The following PTGIS variants were observed in gnomAD, a reference collection of about 807,000 sequenced individuals.
PTGIS encodes the protein prostacyclin synthase.
Under a neutral mutation model 50.3 loss-of-function variants are expected in PTGIS, and 45 were observed. That is an observed-to-expected ratio of 0.90 (90% CI 0.70 to 1.15). The LOEUF (loss-of-function observed/expected upper bound fraction) is 1.15. Among genes scored for constraint, PTGIS ranks in the 50% most tolerant of loss-of-function variants. The pLI is 0.00. For synonymous variants in PTGIS, 260 were observed against 267.7 expected (o/e 0.97, Z 0.28); for missense variants, 668 against 661.3 (o/e 1.01, Z -0.11).
intron 3 of PTGIS, 146 bp from the exon 4 acceptor site, chr20:49,544,594 G>T: frequency 1.2e-6 from 1 of 820,164 alleles, no homozygotes; most frequent in Non-Finnish European, 2.0e-6. Flanking sequence ...TAAATAAGAG[G>T]ATATTATTAT....
rs1982951474 is a variant in PTGIS, at chr20:49,568,049, C to T, written c.68G>A (p.Arg23His). Residue 23 changes from arginine (R) to histidine (H), a missense_variant, in exon 1 of 10, where the codon CGC becomes CAC. Transcript: ENST00000244043. ...LLLLLLLSRR[R>H]TRRPGEPPLD... is the part of the protein sequence containing the mutation. ...AGCGGAGCAGGACACTCACCGCGTGCGGCGGCGGCTCAGTAGCAGCAGCAG... is the reference window on the plus strand; with the variant it reads ...AGCGGAGCAGGACACTCACCGCGTGTGGCGGCGGCTCAGTAGCAGCAGCAG... The T allele has an allele frequency of 2.0e-6, 3 of 1,477,752 alleles. No individual in the cohort carries two copies. The highest frequency in any genetic ancestry group is 2.3e-5 in the Admixed American group (1 of 43,936). The allele number at this position is 1,477,752 out of a possible 1,614,324, so 91.5% of individuals were successfully genotyped here. A position where few individuals can be genotyped will look rare whatever the true frequency, so the allele number is the denominator to read the frequency against.
intron 6 of PTGIS, among the ~76,000 whole-genome samples, chr20:49,521,969 CCA>C (rs1459418633): frequency 6.6e-6 from 1 of 152,132 alleles, no homozygotes; most frequent in Non-Finnish European, 1.5e-5. Flanking sequence ...GACCCTGCCA[CCA>C]CAGTTTCCTC....
At chr20:49,551,778 GTA>G (rs1051733399) in intron 1 of PTGIS, among the ~76,000 whole-genome samples, 34 of 150,392 alleles carry the variant, frequency 2.3e-4, no homozygotes, top group Non-Finnish European at 3.4e-4. Flanking sequence ...GTATGCGTGT[GTA>G]TGTGTGTGTA....
Position 49,512,932 on chromosome 20 carries a change from G to C in PTGIS, c.1206+148C>G, listed in dbSNP as rs1981362727. ...TTATGAGGTCCATTTCACAGGTGAG[G>C]AAGCAAACACAGAGAGGTGAAGCAA... On this transcript the variant is annotated intron_variant, in intron 8 of 9. Coordinates refer to ENST00000244043, the MANE Select transcript of PTGIS (RefSeq NM_000961.4). 4.4e-6 allele frequency: 4 copies of C among 911,112 alleles called. No homozygotes were observed. In the South Asian group the frequency reaches 4.9e-5, roughly 11 times the overall value. The allele number at this position is 911,112 out of a possible 1,614,324, so 56.4% of individuals were successfully genotyped here. A position where few individuals can be genotyped will look rare whatever the true frequency, so the allele number is the denominator to read the frequency against.
At position 49,568,134 on chromosome 20, in the gene PTGIS, T is replaced by C; in HGVS notation, c.-18A>G. ...CAAGCCATCGCGGGGCTGGCGGGGC[T>C]GGCGGGGCTGGCGGGGCTGGCGGCC... is the stretch of plus-strand genomic sequence containing the variant. On this transcript the variant is annotated 5_prime_UTR_variant, in exon 1 of 10. Coordinates refer to ENST00000244043, the MANE Select transcript of PTGIS (RefSeq NM_000961.4). 2 of 1,185,536 alleles carry C rather than the reference T, an allele frequency of 1.7e-6. No homozygotes were observed. The highest frequency in any genetic ancestry group is 4.4e-5 in the South Asian group (2 of 45,466). 73.4% of individuals were successfully genotyped at this position (1,185,536 alleles called of 1,614,324 possible).
intron 1 of PTGIS, among the ~76,000 whole-genome samples, chr20:49,558,122 C>A (rs1020687881): frequency 2.6e-5 from 4 of 152,178 alleles, no homozygotes; most frequent in Non-Finnish European, 5.9e-5. Context: ...GGCATGGTGT[C>A]TCATGCCTAT....
intron 1 of PTGIS, among the ~76,000 whole-genome samples, chr20:49,566,311 C>A (rs1406149777): frequency 2.0e-5 from 3 of 152,200 alleles, no homozygotes; most frequent in African/African-American, 7.2e-5. Context: ...AGAATGGATT[C>A]GATCTCCTTG....
At chr20:49,516,675 C>T (rs896643067) in intron 6 of PTGIS, among the ~76,000 whole-genome samples, 3 of 152,184 alleles carry the variant, frequency 2.0e-5, no homozygotes, top group African/African-American at 7.2e-5. Flanking sequence ...TTGCCTTCCT[C>T]TTTAGTGCCC....
chr20:49,539,780 C>A, intron 4 of PTGIS, 59 bp from the exon 5 acceptor site: 1 of 1,569,178 alleles, frequency 6.4e-7, no homozygotes, highest in Non-Finnish European at 8.6e-7. Context: ...GTGGCCACAG[C>A]TACTCACAAG....
chr20:49,552,672 G>A (rs938942521), intron 1 of PTGIS, among the ~76,000 whole-genome samples: 5 of 152,148 alleles, frequency 3.3e-5, no homozygotes, highest in Non-Finnish European at 5.9e-5. Context: ...GTCTAAGATA[G>A]TTGTCCTTTT....
intron 1 of PTGIS, among the ~76,000 whole-genome samples, chr20:49,556,746 T>A (rs1982629227): frequency 6.6e-6 from 1 of 152,230 alleles, no homozygotes; most frequent in African/African-American, 2.4e-5. Flanking sequence ...ATAGTACACC[T>A]GTTATTAGAG....
chr20:49,527,830 T>C lies in PTGIS; in HGVS notation c.674-3591A>G, dbSNP rs541406986. Among the ~76,000 whole-genome samples, 9 of 152,308 alleles carry C rather than the reference T, an allele frequency of 5.9e-5. No homozygotes were observed. The South Asian group carries it at 1.9e-3, about 32-fold the overall frequency. ...GGCAAAAATGAGTCAAAGATAGTGT[T>C]GTATAACAAAGAATTTGCATTCTGG... On this transcript the variant is annotated intron_variant, in intron 5 of 9. Coordinates refer to ENST00000244043, the MANE Select transcript of PTGIS (RefSeq NM_000961.4).
At position 49,514,390 on chromosome 20, in the gene PTGIS, A is replaced by G. The variant is rs2122841946; in HGVS notation, c.861T>C (p.Asn287=). 6.2e-7 allele frequency: 1 copy of G among 1,613,676 alleles called. No individual in the cohort carries two copies. Among genetic ancestry groups the G allele is most frequent in the Non-Finnish European group, 8.5e-7 (1 of 1,180,002 alleles). The change falls in exon 7 of 10, where the codon AAT becomes AAC. Residue 287 remains asparagine (N), a synonymous_variant. Coordinates refer to ENST00000244043, the MANE Select transcript of PTGIS (RefSeq NM_000961.4). ...GGAGCCAGAAGGCAGCGGGACCCAT[A>G]TTCCCCTGCAAGGAGAAGGGCCCCT... The part of the protein sequence containing the change: ...LVLQLWATQG[N]MGPAAFWLLL...
chr20:49,521,708 G>A (rs1172937169), intron 6 of PTGIS, among the ~76,000 whole-genome samples: 1 of 152,134 alleles, frequency 6.6e-6, no homozygotes, highest in African/African-American at 2.4e-5. Flanking sequence ...AAAATAAGCT[G>A]CAAGTCGATG....
rs1981731764 is a variant in PTGIS, at chr20:49,524,151, T to C, written c.762A>G (p.Lys254=). ...ARLARRAHRS[K]WLESYLLHLE... is the part of the protein sequence containing the mutation. ...GGTGCAGCAGGTAACTCTCCAGCCATTTGCTCCGGTGGGCCCGCCTGGCCA... is the reference window on the plus strand; with the variant it reads ...GGTGCAGCAGGTAACTCTCCAGCCACTTGCTCCGGTGGGCCCGCCTGGCCA... The change falls in exon 6 of 10, where the codon AAA becomes AAG. Residue 254 remains lysine, a synonymous_variant. Coordinates refer to ENST00000244043, the MANE Select transcript of PTGIS (RefSeq NM_000961.4). The C allele has an allele frequency of 6.2e-7, 1 of 1,614,180 alleles. No individual in the cohort carries two copies. Among genetic ancestry groups the C allele is most frequent in the Non-Finnish European group, 8.5e-7 (1 of 1,180,034 alleles).
intron 1 of PTGIS, among the ~76,000 whole-genome samples, chr20:49,564,972 CTT>C (rs397864477): frequency 3.2e-4 from 43 of 136,052 alleles, no homozygotes; most frequent in South Asian, 4.7e-4. Flanking sequence ...CTTGTTTGCC[CTT>C]TTTTTTTTTT....
Position 49,524,131 on chromosome 20 carries a change from A to T in PTGIS, c.782T>A (p.Leu261Gln), listed in dbSNP as rs200499141. ...TGACACACCCATCTCCTCCAGGTGC[A>T]GCAGGTAACTCTCCAGCCATTTGCT... The part of the protein sequence containing the change: ...HRSKWLESYL[L>Q]HLEEMGVSEE... The change falls in exon 6 of 10, where the codon CTG becomes CAG. Residue 261 changes from leucine (L) to glutamine (Q), a missense_variant. Coordinates refer to ENST00000244043, the MANE Select transcript of PTGIS (RefSeq NM_000961.4). The T allele has an allele frequency of 1.2e-6, 2 of 1,614,206 alleles. No homozygotes were observed. The highest frequency in any genetic ancestry group is 1.7e-6 in the Non-Finnish European group (2 of 1,180,038).
chr20:49,565,070 A>T (rs1290882456), intron 1 of PTGIS, among the ~76,000 whole-genome samples: 1 of 148,806 alleles, frequency 6.7e-6, no homozygotes, highest in East Asian at 2.0e-4. Context: ...TCCCGGCTTC[A>T]TGCCATTCTC....
At chr20:49,549,279 C>T (rs6091002) in intron 2 of PTGIS, among the ~76,000 whole-genome samples, 1 of 152,268 alleles carries the variant, frequency 6.6e-6, no homozygotes, top group East Asian at 1.9e-4. Context: ...TGCAAATAAC[C>T]TACATGCATC....
Sources: gnomAD v4.1 joint callset for allele counts (sites outside exome capture counted in the v4.1 genomes callset) on GRCh38, gnomAD v4.1.1 for gene constraint, MANE v1.5 for transcripts, NCBI Gene and HGNC (gene_info 2026-07-23, HGNC 2026-07-21) for gene names.